Variants in CRPPA observed in about 807,000 individuals in gnomAD.
CRPPA encodes CDP-L-ribitol pyrophosphorylase A.
CRPPA carries 43 observed loss-of-function variants against 52.0 expected under a neutral mutation model. That is an observed-to-expected ratio of 0.83 (90% CI 0.65 to 1.07). The LOEUF (loss-of-function observed/expected upper bound fraction) is 1.07. Among genes scored for constraint, CRPPA ranks in the 50% least tolerant of loss-of-function variants. CRPPA has a pLI of 0.00. For missense variants in CRPPA, 629 were observed against 551.7 expected (o/e 1.14, Z -1.40); for synonymous variants, 250 against 203.5 (o/e 1.23, Z -1.94).
At chr7:16,335,150 T>C (rs1785646792) in intron 3 of CRPPA, among the ~76,000 whole-genome samples, 1 of 70,052 alleles carries the variant, frequency 1.4e-5, no homozygotes. Flanking sequence ...GAGACCCATC[T>C]CTACAAAAAA....
In CRPPA at chr7:16,322,682, T is replaced by C. The variant is rs550757093; in HGVS notation, c.685-14055A>G. 2.6e-5 allele frequency among the ~76,000 whole-genome samples: 4 copies of C among 152,270 alleles called. No homozygotes were observed. In the South Asian group the frequency reaches 8.3e-4, roughly 32 times the overall value. On this transcript the variant is annotated intron_variant, in intron 3 of 9. Transcript: ENST00000407010. The stretch of plus-strand genomic sequence containing the variant: ...AAAATTTCTACAGACCAGTGATTGG[T>C]ATTTGCTTCCTATTCTTACCCCATT...
intron 2 of CRPPA, among the ~76,000 whole-genome samples, chr7:16,384,556 G>C (rs1047698192): frequency 2.0e-5 from 3 of 152,204 alleles, no homozygotes; most frequent in Non-Finnish European, 2.9e-5. Flanking sequence ...TAGCTTAACA[G>C]CTAGGTGAGA....
intron 5 of CRPPA, among the ~76,000 whole-genome samples, chr7:16,289,521 C>G (rs1784517633): frequency 6.6e-6 from 1 of 152,216 alleles, no homozygotes; most frequent in African/African-American, 2.4e-5. Flanking sequence ...CAAGATGGTT[C>G]AACATATGCA....
intron 9 of CRPPA, among the ~76,000 whole-genome samples, chr7:16,186,907 G>A (rs536602587): frequency 2.0e-5 from 3 of 152,240 alleles, no homozygotes; most frequent in African/African-American, 7.2e-5. Flanking sequence ...GTTAACCTAC[G>A]TGGAAAGTTT....
At chr7:16,197,620 T>C (rs1361653103) in intron 9 of CRPPA, among the ~76,000 whole-genome samples, 1 of 151,700 alleles carries the variant, frequency 6.6e-6, no homozygotes, top group Non-Finnish European at 1.5e-5. Flanking sequence ...TAAGCAAAAA[T>C]TGGTAAATTC....
chr7:16,164,999 A>C (rs1781020997), intron 9 of CRPPA, among the ~76,000 whole-genome samples: 1 of 152,054 alleles, frequency 6.6e-6, no homozygotes, highest in Non-Finnish European at 1.5e-5. Flanking sequence ...TTGAGGAGGC[A>C]GTCTGTCCCT....
chr7:16,380,004 T>C (rs1237960476), intron 2 of CRPPA, among the ~76,000 whole-genome samples: 1 of 151,762 alleles, frequency 6.6e-6, no homozygotes, highest in Non-Finnish European at 1.5e-5. Flanking sequence ...CTAATTGCCC[T>C]GGCCAGAACT....
In CRPPA at chr7:16,386,062, C is replaced by G. The variant is rs80014731; in HGVS notation, c.535-9821G>C. 5.3e-4 allele frequency among the ~76,000 whole-genome samples: 81 copies of G among 152,222 alleles called. No homozygotes were observed. In the East Asian group the frequency reaches 0.015, roughly 29 times the overall value. On this transcript the variant is annotated intron_variant, in intron 2 of 9. Coordinates refer to ENST00000407010, the MANE Select transcript of CRPPA (RefSeq NM_001101426.4). Reference sequence around the variant, plus strand: ...GGTATCCAGGTCCCTGTCCAGTGTCCAGGAAGAATCATATCATACATGAAT... The same window carrying G: ...GGTATCCAGGTCCCTGTCCAGTGTCGAGGAAGAATCATATCATACATGAAT...
chr7:16,310,240 A>G (rs964056599), intron 3 of CRPPA, among the ~76,000 whole-genome samples: 2 of 152,108 alleles, frequency 1.3e-5, no homozygotes, highest in African/African-American at 4.8e-5. Context: ...CTGCCTCCCT[A>G]GACTTGGCCC....
chr7:16,122,917 A>G (rs1562515056), intron 9 of CRPPA, among the ~76,000 whole-genome samples: 2 of 152,062 alleles, frequency 1.3e-5, no homozygotes, highest in Admixed American at 6.6e-5. Flanking sequence ...ACCCCTTTAT[A>G]GCATGTTAAC....
chr7:16,278,739 C>T (rs928919027), intron 5 of CRPPA, among the ~76,000 whole-genome samples: 1 of 152,140 alleles, frequency 6.6e-6, no homozygotes, highest in African/African-American at 2.4e-5. Flanking sequence ...GACTATTGCA[C>T]TAACAAGTAA....
rs1562603563 is a variant in CRPPA, at chr7:16,278,172, T to G, written c.890A>C (p.His297Pro). The G allele has an allele frequency of 6.3e-7, 1 of 1,580,954 alleles. No homozygotes were observed. The highest frequency in any genetic ancestry group is 8.6e-7 in the Non-Finnish European group (1 of 1,156,240). Residue 297 changes from histidine to proline, a missense_variant, in exon 6 of 10, where the codon CAT (histidine) becomes CCT (proline). Physicochemically the swap from His to Pro is moderately conservative, Grantham distance 77. Transcript: ENST00000407010. ...CACTTCTTCAAGAAGATGACCTACATGTTTGTTATCTTCTTCTGTATCCAT... is the reference window on the plus strand; with the variant it reads ...CACTTCTTCAAGAAGATGACCTACAGGTTTGTTATCTTCTTCTGTATCCAT... ...VVMDTEEDNK[H>P]VGHLLEEVLK...
At chr7:16,111,411 C>G (rs888379004) in intron 9 of CRPPA, among the ~76,000 whole-genome samples, 1 of 152,166 alleles carries the variant, frequency 6.6e-6, no homozygotes, top group Non-Finnish European at 1.5e-5. Context: ...TCTGAAATCC[C>G]ACTTCTGGAT....
chr7:16,171,585 T>C (rs1341203616), intron 9 of CRPPA, among the ~76,000 whole-genome samples: 1 of 152,050 alleles, frequency 6.6e-6, no homozygotes, highest in East Asian at 1.9e-4. Flanking sequence ...GCTAACAAGG[T>C]GAAACCCCGT....
chr7:16,226,251 A>T (rs1424281367), intron 8 of CRPPA, among the ~76,000 whole-genome samples: 1 of 151,986 alleles, frequency 6.6e-6, no homozygotes, highest in Non-Finnish European at 1.5e-5. Flanking sequence ...ATTTGTCATT[A>T]AAAATGTGAA....
chr7:16,241,946 C>CTTTTT (rs71549979), intron 8 of CRPPA, among the ~76,000 whole-genome samples: 782 of 55,270 alleles, frequency 0.014, 69 homozygotes, highest in African/African-American at 0.015. Flanking sequence ...AAAATCTATT[C>CTTTTT]TTTTTTTTTT....
chr7:16,097,218 A>T (rs1462177059), intron 9 of CRPPA, among the ~76,000 whole-genome samples: 1 of 152,140 alleles, frequency 6.6e-6, no homozygotes, highest in Non-Finnish European at 1.5e-5. Context: ...TTCTTCTTAG[A>T]TATTAAGAAA....
rs1781860309 is a variant in CRPPA, at chr7:16,092,703, A to G, written c.1252-904T>C. ...AGGGAAGTCAAAATACTTATTTTAA[A>G]ATATAGATCTGATCACATCAGTATC... is the stretch of plus-strand genomic sequence containing the variant. On this transcript the variant is annotated intron_variant, in intron 9 of 9. Coordinates refer to ENST00000407010, the MANE Select transcript of CRPPA (RefSeq NM_001101426.4). Among the ~76,000 whole-genome samples, 3 of 152,184 alleles carry G rather than the reference A, an allele frequency of 2.0e-5. No homozygotes were observed. The South Asian group carries it at 6.2e-4, about 32-fold the overall frequency.
chr7:16,126,068 T>C (rs996660339), intron 9 of CRPPA, among the ~76,000 whole-genome samples: 15 of 152,154 alleles, frequency 9.9e-5, no homozygotes, highest in Non-Finnish European at 1.5e-4. Context: ...ATGCACAAGG[T>C]AGGGCTCTAT....
Sources: allele counts gnomAD v4.1 joint callset (sites outside exome capture counted in the v4.1 genomes callset), GRCh38; gene constraint gnomAD v4.1.1; transcripts MANE v1.5; gene names NCBI Gene and HGNC (gene_info 2026-07-23, HGNC 2026-07-21).